Variants in POLA2 observed in about 807,000 individuals in gnomAD.
The protein encoded by POLA2 is DNA polymerase alpha subunit B.
Under a neutral mutation model 82.8 loss-of-function variants are expected in POLA2, and 47 were observed. That is an observed-to-expected ratio of 0.57 (90% CI 0.45 to 0.72). The LOEUF (loss-of-function observed/expected upper bound fraction) is 0.72, where lower values mean the gene tolerates loss of function less well. POLA2 is among the 30% of genes least tolerant of loss of function. POLA2 has a pLI of 0.00. For missense variants in POLA2, 634 were observed against 728.1 expected, an observed-to-expected ratio of 0.87 and a Z score of 1.49; for synonymous variants, 287 against 286.8, an observed-to-expected ratio of 1.00 and a Z score of -0.01.
intron 6 of POLA2, among the ~76,000 whole-genome samples, chr11:65,279,159 C>T (rs1949613552): frequency 6.6e-6 from 1 of 152,180 alleles, no homozygotes. Flanking sequence ...GCAGCAAAAA[C>T]TTGAACGATG....
At chr11:65,301,449 G>T (rs369712482), downstream of POLA2, among the ~76,000 whole-genome samples, 1 of 152,118 alleles carries the variant, frequency 6.6e-6, no homozygotes, top group African/African-American at 2.4e-5. Flanking sequence ...CTCAGGGGAG[G>T]GGCCTGGGTC....
At chr11:65,289,771 T>C (rs577797171) in intron 12 of POLA2, 28 bp from the exon 13 acceptor site, 2 of 1,491,126 alleles carry the variant, frequency 1.3e-6, no homozygotes, top group Non-Finnish European at 9.4e-7. Flanking sequence ...ATCTGCCGTC[T>C]AAATCTGTCT....
chr11:65,275,977 C>G lies in POLA2; in HGVS notation c.440C>G (p.Ser147Ter), dbSNP rs1431737002. The G allele has an allele frequency of 1.1e-5, 18 of 1,601,824 alleles. No homozygotes were observed. The highest frequency in any genetic ancestry group is 1.4e-5 in the Non-Finnish European group (16 of 1,173,504). The change falls in exon 5 of 18, where the codon TCA becomes TGA. Residue 147 changes from serine (S) to a stop codon, truncating the protein, a stop_gained. Coordinates refer to ENST00000265465, the MANE Select transcript of POLA2 (RefSeq NM_002689.4). LOFTEE classifies it high-confidence loss of function. ...VSTRSPHQLL[S>*]PSSFSPSATP... Reference sequence around the variant, plus strand: ...ACTCGTAGCCCCCATCAGCTACTCTCACCGTCAAGTTTCTCTCCAAGGTAT... The same window carrying G: ...ACTCGTAGCCCCCATCAGCTACTCTGACCGTCAAGTTTCTCTCCAAGGTAT...
intron 10 of POLA2, 127 bp from the exon 11 acceptor site, chr11:65,287,589 C>A: frequency 2.6e-6 from 2 of 772,318 alleles, no homozygotes; most frequent in Non-Finnish European, 4.1e-6. Context: ...TACCTTGGGT[C>A]CCCAGAGTTT....
At chr11:65,282,901 G>T (rs1447759331) in intron 10 of POLA2, among the ~76,000 whole-genome samples, 3 of 152,204 alleles carry the variant, frequency 2.0e-5, no homozygotes, top group Non-Finnish European at 4.4e-5. Flanking sequence ...GGCCAAGGTG[G>T]GAGGATCACC....
Position 65,298,367 on chromosome 11 carries a change from C to T in POLA2, c.*1098C>T, listed in dbSNP as rs974160388. 1 of 152,320 alleles carries T rather than the reference C, an allele frequency of 6.6e-6. No homozygotes were observed. 9.4% of individuals were successfully genotyped at this position (152,320 alleles called of 1,614,324 possible). A position where few individuals can be genotyped will look rare whatever the true frequency, so the allele number is the denominator to read the frequency against. On this transcript the variant is annotated 3_prime_UTR_variant, in exon 18 of 18. Transcript: ENST00000265465. ...AACACTCAGACAGGGTCAGGCCTTC[C>T]AGGGTTCACAGCACGTCCCATGCCC...
chr11:65,262,352 G>C lies in POLA2; in HGVS notation c.60G>C (p.Glu20Asp). Residue 20 changes from glutamate to aspartate, a missense_variant, in exon 1 of 18, where the codon GAG (glutamate) becomes GAC (aspartate). Transcript: ENST00000265465. ...EELQIFGLDC[E>D]EALIEKLVEL... is the part of the protein sequence containing the mutation. ...TGCAGATCTTCGGCCTAGACTGCGA[G>C]GAGGCTCTAATTGAGAAATGTGAGT... is the stretch of plus-strand genomic sequence containing the variant. 1 of 1,613,716 alleles carries C rather than the reference G, an allele frequency of 6.2e-7. No homozygotes were observed. The highest frequency in any genetic ancestry group is 8.5e-7 in the Non-Finnish European group (1 of 1,179,762).
Position 65,275,889 on chromosome 11 carries a change from T to C in POLA2, c.355-3T>C, listed in dbSNP as rs571991836. The C allele has an allele frequency of 1.3e-6, 2 of 1,585,304 alleles. No individual in the cohort carries two copies. The highest frequency in any genetic ancestry group is 2.2e-5 in the South Asian group (2 of 89,058). ...AGATTTTGTTTTCCTTTTTTTTCCC[T>C]AGGGTTCTCAGAAGCGAGCTATCTC... On this transcript the variant is annotated splice_polypyrimidine_tract_variant and splice_region_variant and intron_variant, in intron 4 of 17. Transcript: ENST00000265465.
Position 65,297,533 on chromosome 11 carries a change from C to G in POLA2, c.*264C>G. 2.9e-6 allele frequency: 1 copy of G among 344,966 alleles called. No homozygotes were observed. The highest frequency in any genetic ancestry group is 7.8e-4 in the Middle Eastern group (1 of 1,284). The allele number at this position is 344,966 out of a possible 1,614,324, so 21.4% of individuals were successfully genotyped here. A position where few individuals can be genotyped will look rare whatever the true frequency, so the allele number is the denominator to read the frequency against. ...GTAAGCCAGCTGTGGATCCCGCCCA[C>G]TCAGAAAAGGCGAGAAGGCTTTGTG... On this transcript the variant is annotated 3_prime_UTR_variant, in exon 18 of 18. Coordinates refer to ENST00000265465, the MANE Select transcript of POLA2 (RefSeq NM_002689.4).
chr11:65,265,422 T>C (rs1273593350), intron 1 of POLA2, among the ~76,000 whole-genome samples: 4 of 152,142 alleles, frequency 2.6e-5, no homozygotes, highest in African/African-American at 9.7e-5. Context: ...TTGACACTGT[T>C]TGTCATTTTT....
chr11:65,264,345 A>G (rs1590888483), intron 1 of POLA2, among the ~76,000 whole-genome samples: 1 of 152,156 alleles, frequency 6.6e-6, no homozygotes, highest in Non-Finnish European at 1.5e-5. Context: ...CTGGGATTAT[A>G]GGTGTGAGCC....
rs181525791 is a variant in POLA2, at chr11:65,279,567, A to T, written c.685A>T (p.Ser229Cys). 3.4e-4 allele frequency: 553 copies of T among 1,613,702 alleles called. 3 individuals are homozygous for T. Among genetic ancestry groups the T allele is most frequent in the Non-Finnish European group, 1.9e-5 (23 of 1,179,680 alleles). Residue 229 changes from serine to cysteine, a missense_variant, in exon 7 of 18, where the codon AGC (serine) becomes TGC (cysteine). Physicochemically the swap from Ser to Cys is moderately radical, Grantham distance 112 (BLOSUM62 -1). Transcript: ENST00000265465. ...VLTCKIEELG[S>C]ELKEHYKIEA... The stretch of plus-strand genomic sequence containing the variant: ...GACCTGTAAGATAGAAGAACTTGGC[A>T]GCGAACTCAAGGAACATTACAAGAT...
At position 65,281,633 on chromosome 11, in the gene POLA2, C is replaced by T. The variant is rs377534529; in HGVS notation, c.901-37C>T. ...AATGTATTCCAGACCTCATTGATCTCCACTGCTTAGCAATCCTGTTTGTTT... is the reference window on the plus strand; with the variant it reads ...AATGTATTCCAGACCTCATTGATCTTCACTGCTTAGCAATCCTGTTTGTTT... On this transcript the variant is annotated intron_variant, in intron 8 of 17. Transcript: ENST00000265465. 6.9e-6 allele frequency: 10 copies of T among 1,456,830 alleles called. No homozygotes were observed. In the African/African-American group the frequency reaches 1.3e-4, roughly 18 times the overall value. 90.2% of individuals were successfully genotyped at this position (1,456,830 alleles called of 1,614,324 possible).
intron 1 of POLA2, among the ~76,000 whole-genome samples, chr11:65,262,906 G>A (rs1420556845): frequency 2.6e-5 from 4 of 152,178 alleles, no homozygotes; most frequent in Admixed American, 6.5e-5. Context: ...GAGCTTTACA[G>A]ATGGAGAAAC....
downstream of POLA2, among the ~76,000 whole-genome samples, chr11:65,300,675 C>G (rs545337106): frequency 6.6e-6 from 1 of 152,072 alleles, no homozygotes; most frequent in African/African-American, 2.4e-5. Context: ...CTCCACCTTC[C>G]GGGTTCAAAC....
At chr11:65,294,012 T>A in intron 13 of POLA2, 141 bp from the exon 14 acceptor site, 1 of 758,574 alleles carries the variant, frequency 1.3e-6, no homozygotes, top group Non-Finnish European at 2.4e-6. Context: ...GCGTCTCTGT[T>A]CATAACAGAG....
In POLA2 at chr11:65,278,725, A is replaced by G. The variant is rs760077573; in HGVS notation, c.462-5A>G. ...GTAATATTAACCTGTTTTGCTTCCA[A>G]TTAGTGCTACTCCCTCCCAGAAATA... is the stretch of plus-strand genomic sequence containing the variant. On this transcript the variant is annotated splice_region_variant and splice_polypyrimidine_tract_variant and intron_variant, in intron 5 of 17. Transcript: ENST00000265465. The G allele has an allele frequency of 1.9e-6, 3 of 1,611,194 alleles. No homozygotes were observed. The highest frequency in any genetic ancestry group is 2.5e-6 in the Non-Finnish European group (3 of 1,178,640).
At chr11:65,269,681 T>C (rs1430116958) in intron 4 of POLA2, among the ~76,000 whole-genome samples, 1 of 152,210 alleles carries the variant, frequency 6.6e-6, no homozygotes, top group African/African-American at 2.4e-5. Context: ...TATTCAGTAA[T>C]GGTAACTATT....
Position 65,262,266 on chromosome 11 carries a change from G to A in POLA2, c.-27G>A. On this transcript the variant is annotated 5_prime_UTR_variant, in exon 1 of 18. Coordinates refer to ENST00000265465, the MANE Select transcript of POLA2 (RefSeq NM_002689.4). ...GCGCAGGTCGGAGCTGGGTGGGCCG[G>A]CTCCCCGGCCCCTGGCTTGGGCGAC... 6.2e-7 allele frequency: 1 copy of A among 1,600,172 alleles called. No individual in the cohort carries two copies. The highest frequency in any genetic ancestry group is 8.5e-7 in the Non-Finnish European group (1 of 1,171,668).
Sources: allele counts gnomAD v4.1 joint callset (sites outside exome capture counted in the v4.1 genomes callset), GRCh38; gene constraint gnomAD v4.1.1; transcripts MANE v1.5; gene names NCBI Gene and HGNC (gene_info 2026-07-23, HGNC 2026-07-21).